The following RBMS3 variants were observed in gnomAD, a reference collection of about 807,000 sequenced individuals.
RBMS3 encodes RNA-binding motif, single-stranded-interacting protein 3.
In RBMS3, 27 loss-of-function variants were observed where a neutral mutation model predicts 66.8. The observed-to-expected ratio is 0.40, with a 90% CI of 0.30 to 0.56. The LOEUF is 0.56. Ranked by LOEUF, RBMS3 falls within the 20% of genes least tolerant of loss-of-function variation. The pLI is 0.40. For synonymous variants in RBMS3, 188 were observed against 183.0 expected (o/e 1.03, Z -0.22); for missense variants, 513 against 549.5 (o/e 0.93, Z 0.66).
rs577772485 is a variant in RBMS3 at position 29,878,531 on chromosome 3, C to G, written c.745-5631C>G. Among the ~76,000 whole-genome samples the G allele has an allele frequency of 2.4e-4, 36 of 152,118 alleles. No individual in the cohort carries two copies. The South Asian group carries it at 7.1e-3, about 30-fold the overall frequency. On this transcript the variant is annotated intron_variant, in intron 7 of 14. Transcript: ENST00000383767. Reference sequence around the variant, plus strand: ...CTCACCTTGACCCTTCTGGTTGTAGCAATCCCATTCTGTCCTACTTTTGTA... The same window carrying G: ...CTCACCTTGACCCTTCTGGTTGTAGGAATCCCATTCTGTCCTACTTTTGTA...
At chr3:29,515,632 C>G (rs2148963513) in intron 3 of RBMS3, among the ~76,000 whole-genome samples, 1 of 152,300 alleles carries the variant, frequency 6.6e-6, no homozygotes, top group South Asian at 2.1e-4. Flanking sequence ...GTTTTTCACA[C>G]CGCATAAGAA....
intron 10 of RBMS3, among the ~76,000 whole-genome samples, chr3:29,905,654 A>G (rs541789634): frequency 5.9e-5 from 9 of 152,216 alleles, no homozygotes; most frequent in African/African-American, 2.2e-4. Context: ...CAATACCTTA[A>G]TCAGAGGTGT....
chr3:29,585,621 C>T (rs372925990), intron 3 of RBMS3, among the ~76,000 whole-genome samples: 1 of 152,236 alleles, frequency 6.6e-6, no homozygotes, highest in African/African-American at 2.4e-5. Flanking sequence ...CAGCAACCGA[C>T]ATGTGAGAGA....
chr3:29,916,019 C>T (rs2060630909), intron 10 of RBMS3, among the ~76,000 whole-genome samples: 1 of 152,034 alleles, frequency 6.6e-6, no homozygotes, highest in African/African-American at 2.4e-5. Flanking sequence ...CCATGTAAAT[C>T]AGAATGGTCC....
At chr3:29,517,120 G>A (rs1272411097) in intron 3 of RBMS3, among the ~76,000 whole-genome samples, 1 of 151,964 alleles carries the variant, frequency 6.6e-6, no homozygotes, top group African/African-American at 2.4e-5. Context: ...GGCTGAGATG[G>A]GAGGGTGACC....
intron 6 of RBMS3, among the ~76,000 whole-genome samples, chr3:29,829,815 C>T (rs1193346852): frequency 3.2e-5 from 4 of 125,592 alleles, no homozygotes; most frequent in Admixed American, 8.6e-5. Flanking sequence ...TAGAAAGCAC[C>T]ATCAAGAGGA....
chr3:29,361,391 C>T (rs1463611831), intron 1 of RBMS3, among the ~76,000 whole-genome samples: 1 of 152,156 alleles, frequency 6.6e-6, no homozygotes, highest in Non-Finnish European at 1.5e-5. Flanking sequence ...TCTCTTCTGG[C>T]TTGTAGAGTT....
At chr3:29,802,919 G>A (rs1305127602) in intron 6 of RBMS3, among the ~76,000 whole-genome samples, 1 of 152,138 alleles carries the variant, frequency 6.6e-6, no homozygotes, top group Non-Finnish European at 1.5e-5. Context: ...ACTCTGAATG[G>A]TGAATACTAA....
chr3:29,603,684 A>G (rs1252862582), intron 4 of RBMS3, among the ~76,000 whole-genome samples: 1 of 152,008 alleles, frequency 6.6e-6, no homozygotes, highest in Non-Finnish European at 1.5e-5. Context: ...CTTAGTGTAT[A>G]GAAAACCAAT....
chr3:29,985,272 G>A (rs1378125430), intron 12 of RBMS3, among the ~76,000 whole-genome samples: 1 of 152,294 alleles, frequency 6.6e-6, no homozygotes, highest in South Asian at 2.1e-4. Flanking sequence ...AGACTGCTGT[G>A]CTGGCAGCAA....
chr3:29,509,285 C>T (rs1458019069), intron 3 of RBMS3, among the ~76,000 whole-genome samples: 1 of 152,240 alleles, frequency 6.6e-6, no homozygotes, highest in Non-Finnish European at 1.5e-5. Context: ...TTACATGCCA[C>T]ATGGAAAAAT....
intron 4 of RBMS3, among the ~76,000 whole-genome samples, chr3:29,603,204 T>C (rs2048206402): frequency 6.6e-6 from 1 of 151,962 alleles, no homozygotes; most frequent in Non-Finnish European, 1.5e-5. Context: ...CTCCATGTGG[T>C]AGTCGTTAAT....
rs1397841460 is a variant in RBMS3 at position 29,974,934 on chromosome 3, A to C, written c.1099-13209A>C. On this transcript the variant is annotated intron_variant, in intron 12 of 14. Coordinates refer to ENST00000383767, the MANE Select transcript of RBMS3 (RefSeq NM_001003793.3). Reference sequence around the variant, plus strand: ...TATTTTATATATAAAATACGTTTCTATATTTATATATTTTATATATAAAAT... The same window carrying C: ...TATTTTATATATAAAATACGTTTCTCTATTTATATATTTTATATATAAAAT... 7.7e-5 allele frequency among the ~76,000 whole-genome samples: 11 copies of C among 142,072 alleles called. No homozygotes were observed. In the Admixed American group the frequency reaches 7.9e-4, roughly 10 times the overall value. The allele number at this position is 142,072 out of a possible 152,430, so 93.2% of individuals were successfully genotyped here.
intron 1 of RBMS3, among the ~76,000 whole-genome samples, chr3:29,394,267 T>C (rs60983846): frequency 0.16 from 23,641 of 152,204 alleles, 2,295 homozygotes; most frequent in East Asian, 0.34. Flanking sequence ...AAGAGAAATA[T>C]GACTCTGTTC....
intron 1 of RBMS3, among the ~76,000 whole-genome samples, chr3:29,359,420 T>G (rs1412376984): frequency 6.6e-6 from 1 of 152,162 alleles, no homozygotes; most frequent in East Asian, 1.9e-4. Context: ...GTGGATAAGT[T>G]TTTGATGTGT....
intron 4 of RBMS3, among the ~76,000 whole-genome samples, chr3:29,625,655 G>C (rs910662783): frequency 6.6e-6 from 1 of 151,496 alleles, no homozygotes; most frequent in East Asian, 1.9e-4. Context: ...CTGAGATTGC[G>C]CCATTGCACT....
At chr3:29,719,894 G>A (rs1008863149) in intron 4 of RBMS3, among the ~76,000 whole-genome samples, 5 of 151,430 alleles carry the variant, frequency 3.3e-5, no homozygotes, top group Non-Finnish European at 7.4e-5. Flanking sequence ...ATTGGAACTC[G>A]GCTCCATTTA....
chr3:29,454,306 G>T (rs1429194913), intron 2 of RBMS3, among the ~76,000 whole-genome samples: 1 of 152,112 alleles, frequency 6.6e-6, no homozygotes, highest in Non-Finnish European at 1.5e-5. Flanking sequence ...CTTTTGTTGG[G>T]GTGGGAGTGA....
chr3:29,831,885 A>G (rs1283928834), intron 6 of RBMS3, among the ~76,000 whole-genome samples: 2 of 152,014 alleles, frequency 1.3e-5, no homozygotes, highest in African/African-American at 2.4e-5. Context: ...AAAAAATAAC[A>G]TGGGAGAATT....
Sources: gnomAD v4.1 joint callset for allele counts (sites outside exome capture counted in the v4.1 genomes callset) on GRCh38, gnomAD v4.1.1 for gene constraint, MANE v1.5 for transcripts, NCBI Gene and HGNC (gene_info 2026-07-23, HGNC 2026-07-21) for gene names.